The following TOMM70 variants were observed in gnomAD, a reference collection of about 807,000 sequenced individuals.
TOMM70 encodes mitochondrial import receptor subunit TOM70.
A neutral mutation model predicts 73.6 loss-of-function variants in TOMM70; 13 were observed. That is an observed-to-expected ratio of 0.18 (90% CI 0.11 to 0.28). The LOEUF is 0.28. TOMM70 is among the 10% of genes least tolerant of loss of function. The probability of loss-of-function intolerance (pLI) is 1.00; values close to 1 mark genes in which losing one functional copy is unlikely to be tolerated. For missense variants in TOMM70, 609 were observed against 747.5 expected (o/e 0.81, Z 2.16); for synonymous variants, 257 against 271.2 (o/e 0.95, Z 0.51).
chr3:100,400,558 GAC>G, intron 1 of TOMM70, 66 bp downstream of exon 1: 1 of 1,547,088 alleles, frequency 6.5e-7, no homozygotes. Context: ...CCCCCTCACT[GAC>G]ACAACCCGCC....
At chr3:100,400,461 C>T (rs1706881867) in intron 1 of TOMM70, among the ~76,000 whole-genome samples, 165 bp downstream of exon 1, 1 of 152,252 alleles carries the variant, frequency 6.6e-6, no homozygotes, top group African/African-American at 2.4e-5. Context: ...CATCGAGCTA[C>T]TCTATGCCCT....
chr3:100,367,975 C>T (rs1001391695), intron 11 of TOMM70, 69 bp downstream of exon 11: 266 of 1,474,632 alleles, frequency 1.8e-4, no homozygotes, highest in Non-Finnish European at 2.1e-4. Flanking sequence ...TTAACATGTA[C>T]GTAATAAGAA....
intron 10 of TOMM70, 146 bp downstream of exon 10, chr3:100,368,892 A>C: frequency 1.7e-6 from 1 of 601,064 alleles, no homozygotes; most frequent in Non-Finnish European, 2.9e-6. Context: ...TAATTTCTGT[A>C]AGAATGAAAA....
chr3:100,385,232 T>G (rs960635116), intron 3 of TOMM70, among the ~76,000 whole-genome samples: 3 of 152,230 alleles, frequency 2.0e-5, no homozygotes, highest in Admixed American at 6.5e-5. Context: ...CCAATGTCAA[T>G]GTCTTTTTTC....
intron 6 of TOMM70, 103 bp downstream of exon 6, chr3:100,377,602 C>A: frequency 9.0e-7 from 1 of 1,115,488 alleles, no homozygotes; most frequent in Non-Finnish European, 1.3e-6. Flanking sequence ...AAAAACAGCC[C>A]TTTGAAGAAT....
At chr3:100,387,593 G>GACACACAC (rs772727603) in intron 1 of TOMM70, among the ~76,000 whole-genome samples, 17 of 98,698 alleles carry the variant, frequency 1.7e-4, no homozygotes, top group African/African-American at 2.7e-4. Context: ...CACAGACACA[G>GACACACAC]ACACAGACAC....
intron 5 of TOMM70, among the ~76,000 whole-genome samples, chr3:100,380,229 C>T (rs1189168215): frequency 6.6e-6 from 1 of 152,066 alleles, no homozygotes; most frequent in Non-Finnish European, 1.5e-5. Context: ...CCTGTAATCC[C>T]AGCTACTAGG....
At chr3:100,368,248 G>A in intron 10 of TOMM70, 82 bp from the exon 11 acceptor site, 1 of 1,459,800 alleles carries the variant, frequency 6.9e-7, no homozygotes, top group Non-Finnish European at 9.2e-7. Context: ...CTCAATTTCT[G>A]CCTTCAATGA....
chr3:100,375,968 TTAATA>T (rs1706558943), intron 6 of TOMM70, among the ~76,000 whole-genome samples: 1 of 152,172 alleles, frequency 6.6e-6, no homozygotes, highest in Admixed American at 6.5e-5. Context: ...CACCATTGTA[TTAATA>T]TATTTCCACC....
At position 100,384,554 on chromosome 3, in the gene TOMM70, T is replaced by C. The variant is rs1444095072; in HGVS notation, c.660A>G (p.Gln220=). The change falls in exon 4 of 12, where the codon CAA becomes CAG. Residue 220 remains glutamine, a synonymous_variant. Transcript: ENST00000284320. ...VTAVCILEGF[Q]NQQSMLLADK... ...CGGCTAACAGCATGCTTTGTTGATT[T>C]TGGAACCCTTCTAATATACACACAG... 6.2e-7 allele frequency: 1 copy of C among 1,609,816 alleles called. No individual in the cohort carries two copies. Among genetic ancestry groups the C allele is most frequent in the African/African-American group, 1.3e-5 (1 of 74,700 alleles).
Position 100,369,102 on chromosome 3 carries a change from C to A in TOMM70, c.1486G>T (p.Asp496Tyr), listed in dbSNP as rs919896005. 6 of 1,613,478 alleles carry A rather than the reference C, an allele frequency of 3.7e-6. No homozygotes were observed. Among genetic ancestry groups the A allele is most frequent in the Non-Finnish European group, 5.1e-6 (6 of 1,179,696 alleles). Residue 496 changes from aspartate (D) to tyrosine (Y), a missense_variant, in exon 10 of 12, where the codon GAT (aspartate) becomes TAT (tyrosine). Asp to Tyr is a radical substitution (Grantham distance 160). Around this residue, in one of 2 missense-constraint regions of TOMM70, gnomAD observed 432 missense variants for 584.1 expected, o/e 0.74. Transcript: ENST00000284320. Reference sequence around the variant, plus strand: ...TCAATACATTTATCATACATTTCATCAGCTTTACCAAACTGTTGTTGATCT... The same window carrying A: ...TCAATACATTTATCATACATTTCATAAGCTTTACCAAACTGTTGTTGATCT... Reference protein sequence around the residue: ...LTDQQQFGKADEMYDKCIDLE... With the variant: ...LTDQQQFGKAYEMYDKCIDLE...
rs1706423839 is a variant in TOMM70 at position 100,364,252 on chromosome 3, G to GGTA, written c.*1309_*1311dup. On this transcript the variant is annotated 3_prime_UTR_variant, in exon 12 of 12. Transcript: ENST00000284320. ...TACCCCTAGTGAAGACCTGGACCTG[G>GGTA]GTAGTTAGTCCTTAGAGATCAAGGT... The GGTA allele has an allele frequency of 6.6e-6, 1 of 152,120 alleles. No individual in the cohort carries two copies. The highest frequency in any genetic ancestry group is 6.5e-5 in the Admixed American group (1 of 15,268). The allele number at this position is 152,120 out of a possible 1,614,324, so 9.4% of individuals were successfully genotyped here.
chr3:100,386,039 G>A (rs868703723), intron 3 of TOMM70, among the ~76,000 whole-genome samples, 179 bp downstream of exon 3: 2 of 152,126 alleles, frequency 1.3e-5, no homozygotes, highest in African/African-American at 4.8e-5. Flanking sequence ...GTTGAGAACA[G>A]AGACAATACT....
At chr3:100,378,010 G>T (rs1706584578) in intron 5 of TOMM70, 98 bp from the exon 6 acceptor site, 4 of 1,000,816 alleles carry the variant, frequency 4.0e-6, no homozygotes, top group South Asian at 1.5e-5. Flanking sequence ...ACTTTGGGAG[G>T]CCGAGGTGGG....
intron 5 of TOMM70, among the ~76,000 whole-genome samples, chr3:100,378,253 A>G (rs1706588800): frequency 6.6e-6 from 1 of 150,790 alleles, no homozygotes; most frequent in African/African-American, 2.4e-5. Context: ...AAAAAAAAAA[A>G]GAAAGAAAGA....
intron 6 of TOMM70, among the ~76,000 whole-genome samples, chr3:100,376,401 CACCCA>C (rs1355277344): frequency 4.4e-5 from 5 of 113,012 alleles, no homozygotes; most frequent in African/African-American, 2.4e-4. Context: ...GGATCTCTGT[CACCCA>C]GGCTGGAGTA....
In TOMM70 at chr3:100,365,719, TA is replaced by T. The variant is rs767720809; in HGVS notation, c.1674-3del. 6.2e-6 allele frequency: 10 copies of T among 1,613,770 alleles called. No homozygotes were observed. The South Asian group carries it at 9.9e-5, about 16-fold the overall frequency. On this transcript the variant is annotated splice_region_variant and splice_polypyrimidine_tract_variant and intron_variant, in intron 11 of 11. Coordinates refer to ENST00000284320, the MANE Select transcript of TOMM70 (RefSeq NM_014820.5). ...TCAATGGCTTTCTCCATGTTTCCTC[TA>T]AAAGAACAAAATTTTTAAGTCTCAG...
chr3:100,381,944 T>C (rs977410537), intron 4 of TOMM70, among the ~76,000 whole-genome samples, 181 bp from the exon 5 acceptor site: 18 of 152,224 alleles, frequency 1.2e-4, no homozygotes, highest in African/African-American at 4.1e-4. Context: ...CAGTCCCAGC[T>C]GTTTAAAGCT....
intron 6 of TOMM70, among the ~76,000 whole-genome samples, chr3:100,375,619 C>G (rs147300672): frequency 1.6e-4 from 25 of 152,278 alleles, no homozygotes; most frequent in African/African-American, 6.0e-4. Flanking sequence ...GTACAGATAT[C>G]ACATTTTATT....
Sources: gnomAD v4.1 joint callset for allele counts (sites outside exome capture counted in the v4.1 genomes callset) on GRCh38, gnomAD v4.1.1 for gene constraint, gnomAD v4.1.1 regional missense constraint, MANE v1.5 for transcripts, NCBI Gene and HGNC (gene_info 2026-07-23, HGNC 2026-07-21) for gene names.